Variants in ZCCHC4 observed in about 807,000 individuals in gnomAD.
ZCCHC4 encodes the protein zinc finger CCHC-type containing 4.
Under a neutral mutation model 67.7 loss-of-function variants are expected in ZCCHC4, and 54 were observed. The observed-to-expected ratio is 0.80, with a 90% CI of 0.64 to 1.00. The LOEUF (loss-of-function observed/expected upper bound fraction) is 1.00, where lower values mean the gene tolerates loss of function less well. Among genes scored for constraint, ZCCHC4 ranks in the 50% least tolerant of loss-of-function variants. ZCCHC4 has a pLI of 0.00. For missense variants in ZCCHC4, 609 were observed against 617.0 expected (o/e 0.99, Z 0.14); for synonymous variants, 198 against 213.5 (o/e 0.93, Z 0.63).
At chr4:25,324,428 G>A (rs916232635) in intron 3 of ZCCHC4, among the ~76,000 whole-genome samples, 9 of 152,218 alleles carry the variant, frequency 5.9e-5, no homozygotes, top group South Asian at 2.1e-4. Flanking sequence ...CACGAATAAT[G>A]TTCCACTGTA....
intron 8 of ZCCHC4, among the ~76,000 whole-genome samples, chr4:25,358,828 C>T (rs545955741): frequency 2.0e-5 from 3 of 152,366 alleles, no homozygotes; most frequent in South Asian, 2.1e-4. Context: ...ACCCTGCTAA[C>T]GCTGTACATA....
chr4:25,369,055 A>G lies in ZCCHC4; in HGVS notation c.1433A>G (p.Lys478Arg). ...NKAVRKQKQR[K>R]SNKMKMETTK... ...GCTGTCAGAAAGCAGAAGCAAAGAA[A>G]AAGTAATAAGATGAAAATGGAGACC... is the stretch of plus-strand genomic sequence containing the variant. Residue 478 changes from lysine (K) to arginine (R), a missense_variant, in exon 13 of 13, where the codon AAA (lysine) becomes AGA (arginine). Lys to Arg is a conservative substitution (Grantham distance 26). Coordinates refer to ENST00000302874, the MANE Select transcript of ZCCHC4 (RefSeq NM_024936.3). 1.4e-5 allele frequency: 23 copies of G among 1,611,696 alleles called. No homozygotes were observed. The highest frequency in any genetic ancestry group is 1.9e-5 in the Non-Finnish European group (23 of 1,179,542).
intron 8 of ZCCHC4, among the ~76,000 whole-genome samples, chr4:25,361,215 T>C (rs922625551): frequency 1.3e-5 from 2 of 152,198 alleles, no homozygotes; most frequent in African/African-American, 4.8e-5. Flanking sequence ...AAAGCAACAT[T>C]GGGGTAACGT....
intron 8 of ZCCHC4, among the ~76,000 whole-genome samples, chr4:25,361,472 A>G (rs1263184364): frequency 6.6e-6 from 1 of 152,240 alleles, no homozygotes; most frequent in African/African-American, 2.4e-5. Context: ...TAACCACGCC[A>G]TGTGAGGCTC....
chr4:25,333,124 A>G (rs2109064359), intron 3 of ZCCHC4, 59 bp from the exon 4 acceptor site: 2 of 1,536,458 alleles, frequency 1.3e-6, no homozygotes, highest in Non-Finnish European at 1.8e-6. Flanking sequence ...AGCAAAACAC[A>G]TTGTGTTTAC....
intron 5 of ZCCHC4, among the ~76,000 whole-genome samples, chr4:25,341,180 ATG>A (rs1560408258): frequency 6.6e-6 from 1 of 152,152 alleles, no homozygotes; most frequent in African/African-American, 2.4e-5. Context: ...TACACAAAAT[ATG>A]TGTTAATTGA....
At chr4:25,363,655 A>C (rs1720840256) in intron 10 of ZCCHC4, among the ~76,000 whole-genome samples, 1 of 152,230 alleles carries the variant, frequency 6.6e-6, no homozygotes, top group Admixed American at 6.5e-5. Context: ...TGTTTTTAAC[A>C]ATGTTAATAC....
intron 3 of ZCCHC4, among the ~76,000 whole-genome samples, chr4:25,325,239 C>T (rs1290938477): frequency 3.8e-5 from 3 of 78,930 alleles, no homozygotes; most frequent in Non-Finnish European, 5.6e-5. Flanking sequence ...GAGACTCCGT[C>T]TCAAAAAAAA....
Position 25,314,131 on chromosome 4 carries a change from A to C in ZCCHC4, c.213A>C (p.Lys71Asn). The change falls in exon 2 of 13, where the codon AAA becomes AAC. Residue 71 changes from lysine to asparagine, a missense_variant. Transcript: ENST00000302874. The stretch of plus-strand genomic sequence containing the variant: ...CCTGTTCAGCCTGTAGAGATAGAAA[A>C]GACTGTAATTTTTTTCAGTGGGAAG... ...FYACSACRDR[K>N]DCNFFQWEDE... 1.9e-6 allele frequency: 3 copies of C among 1,607,390 alleles called. No individual in the cohort carries two copies. Among genetic ancestry groups the C allele is most frequent in the Non-Finnish European group, 2.5e-6 (3 of 1,178,192 alleles).
intron 2 of ZCCHC4, among the ~76,000 whole-genome samples, chr4:25,314,613 A>G (rs1272607170): frequency 6.6e-6 from 1 of 152,110 alleles, no homozygotes; most frequent in African/African-American, 2.4e-5. Flanking sequence ...CATTTCCCAG[A>G]GAGAGGAAGC....
intron 5 of ZCCHC4, among the ~76,000 whole-genome samples, chr4:25,335,170 G>C (rs1719390464): frequency 6.6e-6 from 1 of 152,198 alleles, no homozygotes; most frequent in African/African-American, 2.4e-5. Context: ...GTTTGGGTCA[G>C]GTGTGGTGGC....
chr4:25,326,967 G>A (rs867636158), intron 3 of ZCCHC4, among the ~76,000 whole-genome samples: 14 of 152,102 alleles, frequency 9.2e-5, no homozygotes, highest in Non-Finnish European at 1.6e-4. Flanking sequence ...AAATTGTATT[G>A]TTTTAAAATT....
intron 3 of ZCCHC4, 85 bp downstream of exon 3, chr4:25,315,485 T>A: frequency 9.7e-7 from 1 of 1,032,898 alleles, no homozygotes; most frequent in Non-Finnish European, 1.4e-6. Context: ...AAGTTTACTT[T>A]CATTTATTTA....
chr4:25,331,548 C>G (rs994393115), intron 3 of ZCCHC4, among the ~76,000 whole-genome samples: 4 of 152,178 alleles, frequency 2.6e-5, no homozygotes, highest in African/African-American at 9.7e-5. Flanking sequence ...CTCAAGTGAT[C>G]CTCCTGTCGT....
At chr4:25,350,147 G>A (rs1276658466) in intron 7 of ZCCHC4, among the ~76,000 whole-genome samples, 2 of 151,990 alleles carry the variant, frequency 1.3e-5, no homozygotes, top group African/African-American at 4.8e-5. Flanking sequence ...GGCTGATTGT[G>A]GTTATCAGTG....
chr4:25,318,614 C>A (rs1718406930), intron 3 of ZCCHC4, among the ~76,000 whole-genome samples: 1 of 151,830 alleles, frequency 6.6e-6, no homozygotes, highest in Non-Finnish European at 1.5e-5. Flanking sequence ...CTTGACCTCC[C>A]AAAGTGCTGG....
chr4:25,352,865 A>C (rs901359688), intron 8 of ZCCHC4, among the ~76,000 whole-genome samples: 2 of 152,266 alleles, frequency 1.3e-5, no homozygotes, highest in African/African-American at 4.8e-5. Flanking sequence ...GGCATATACC[A>C]TTATGAAAAT....
rs777578731 is a variant in ZCCHC4, at chr4:25,314,091, C to T, written c.173C>T (p.Thr58Ile). The T allele has an allele frequency of 2.5e-6, 4 of 1,605,400 alleles. No homozygotes were observed. Among genetic ancestry groups the T allele is most frequent in the African/African-American group, 2.7e-5 (2 of 73,576 alleles). The change falls in exon 2 of 13, where the codon ACT becomes ATT. Residue 58 changes from threonine to isoleucine, a missense_variant. Coordinates refer to ENST00000302874, the MANE Select transcript of ZCCHC4 (RefSeq NM_024936.3). Reference sequence around the variant, plus strand: ...AAGGTGACCCAAGGGAAAGAAGAAACTCGGAGGTTTTATGCCTGTTCAGCC... The same window carrying T: ...AAGGTGACCCAAGGGAAAGAAGAAATTCGGAGGTTTTATGCCTGTTCAGCC... ...FVKVTQGKEE[T>I]RRFYACSACR... is the part of the protein sequence containing the mutation.
chr4:25,314,220 T>A, intron 2 of ZCCHC4, 56 bp downstream of exon 2: 1 of 1,179,486 alleles, frequency 8.5e-7, no homozygotes, highest in Non-Finnish European at 1.2e-6. Context: ...GACAATTTTG[T>A]TGAGAACGTG....
Sources: allele counts gnomAD v4.1 joint callset (sites outside exome capture counted in the v4.1 genomes callset), GRCh38; gene constraint gnomAD v4.1.1; transcripts MANE v1.5; gene names NCBI Gene and HGNC (gene_info 2026-07-23, HGNC 2026-07-21).